DACH2: variants seen among roughly 807,000 people sequenced by gnomAD.
DACH2 encodes dachshund homolog 2.
Under a neutral mutation model 35.8 loss-of-function variants are expected in DACH2, and 17 were observed. The ratio of observed to expected loss-of-function variants is 0.48; its 90% CI spans 0.33 to 0.71. The LOEUF is 0.71. Ranked by LOEUF, DACH2 falls within the 30% of genes least tolerant of loss-of-function variation. DACH2 has a pLI of 0.02. For missense variants in DACH2, 469 were observed against 472.7 expected, an observed-to-expected ratio of 0.99 and a Z score of 0.07; for synonymous variants, 195 against 177.3, an observed-to-expected ratio of 1.10 and a Z score of -0.79.
intron 2 of DACH2, among the ~76,000 whole-genome samples, chrX:86,389,815 C>T (rs1055637595): frequency 8.9e-6 from 1 of 111,907 alleles, no homozygotes; most frequent in Non-Finnish European, 1.9e-5. Flanking sequence ...AAATGAATAC[C>T]GAATTACTCG....
chrX:86,437,108 G>A (rs1228765185), intron 2 of DACH2, among the ~76,000 whole-genome samples: 1 of 110,528 alleles, frequency 9.0e-6, no homozygotes, highest in African/African-American at 3.3e-5. Flanking sequence ...TCTATTCCTT[G>A]TTTTTCTCTT....
chrX:86,339,440 A>T (rs1481971279), intron 1 of DACH2, among the ~76,000 whole-genome samples: 1 of 112,223 alleles, frequency 8.9e-6, no homozygotes, highest in Non-Finnish European at 1.9e-5. Context: ...TTATCAGAAT[A>T]ATGATTTTAA....
rs189891339 is a variant in DACH2 at position 86,671,384 on chromosome X, G to T, written c.772+20217G>T. On this transcript the variant is annotated intron_variant, in intron 4 of 11. Coordinates refer to ENST00000373125, the MANE Select transcript of DACH2 (RefSeq NM_053281.3). ...AGAGGCTGGTATGGTTTGTATTTGTGTCCCTGTCTGAATCTCATGTTGGAT... is the reference window on the plus strand; with the variant it reads ...AGAGGCTGGTATGGTTTGTATTTGTTTCCCTGTCTGAATCTCATGTTGGAT... 4.7e-3 allele frequency among the ~76,000 whole-genome samples: 522 copies of T among 112,063 alleles called. 8 individuals are homozygous for T. Among genetic ancestry groups the T allele is most frequent in the African/African-American group, 0.016 (498 of 30,877 alleles).
chrX:86,161,807 T>C (rs996006262), intron 1 of DACH2, among the ~76,000 whole-genome samples: 8 of 112,168 alleles, frequency 7.1e-5, no homozygotes, highest in Non-Finnish European at 1.3e-4. Context: ...TTCCTTGTCA[T>C]GCTAGAGGAC....
chrX:86,284,637 C>T (rs2034109061), intron 1 of DACH2, among the ~76,000 whole-genome samples: 1 of 99,050 alleles, frequency 1.0e-5, no homozygotes, highest in Non-Finnish European at 1.9e-5. Context: ...TGGAAGCATT[C>T]TTCCTCCCCT....
At chrX:86,529,631 C>G (rs931510574) in intron 3 of DACH2, among the ~76,000 whole-genome samples, 2 of 109,565 alleles carry the variant, frequency 1.8e-5, no homozygotes, top group Non-Finnish European at 3.8e-5. Flanking sequence ...CGCCTCCACA[C>G]CCAGCTAATT....
At chrX:86,172,215 A>T (rs919700385) in intron 1 of DACH2, among the ~76,000 whole-genome samples, 1 of 112,342 alleles carries the variant, frequency 8.9e-6, no homozygotes, top group Admixed American at 9.5e-5. Flanking sequence ...GGCTCATTAA[A>T]TCTGATCCTT....
At chrX:86,456,419 G>A (rs924655831) in intron 2 of DACH2, among the ~76,000 whole-genome samples, 1 of 111,328 alleles carries the variant, frequency 9.0e-6, no homozygotes, top group African/African-American at 3.3e-5. Flanking sequence ...ACTAATCCAA[G>A]TCCATTTTTG....
chrX:86,801,785 A>G (rs1037191216), intron 7 of DACH2, among the ~76,000 whole-genome samples: 1 of 112,203 alleles, frequency 8.9e-6, no homozygotes, highest in African/African-American at 3.2e-5. Context: ...TCTTCTTTAT[A>G]ACTTTCTTGG....
At chrX:86,483,137 A>G (rs2037966696) in intron 2 of DACH2, among the ~76,000 whole-genome samples, 1 of 106,098 alleles carries the variant, frequency 9.4e-6, no homozygotes, top group Non-Finnish European at 1.9e-5. Flanking sequence ...TTAAAGTATA[A>G]TAATAAAAAA....
intron 1 of DACH2, among the ~76,000 whole-genome samples, chrX:86,151,024 C>A (rs1308209714): frequency 1.8e-5 from 2 of 110,906 alleles, no homozygotes; most frequent in Admixed American, 1.9e-4. Context: ...TTTGCACATT[C>A]TTGAGAAAAA....
intron 1 of DACH2, among the ~76,000 whole-genome samples, chrX:86,372,129 T>C (rs1193313182): frequency 9.0e-6 from 1 of 111,352 alleles, no homozygotes; most frequent in Non-Finnish European, 1.9e-5. Flanking sequence ...CTGAATGATA[T>C]TGTATCTGTG....
rs1819165081 is a variant in DACH2, at chrX:86,754,275, A to G, written c.1240+14393A>G. 2.7e-5 allele frequency among the ~76,000 whole-genome samples: 3 copies of G among 111,258 alleles called. No homozygotes were observed. In the South Asian group the frequency reaches 1.1e-3, roughly 42 times the overall value. Reference sequence around the variant, plus strand: ...ACTGAAAAATAAATATGAAAAAATCATCTAGAATGTAGTACAGACAGACAA... The same window carrying G: ...ACTGAAAAATAAATATGAAAAAATCGTCTAGAATGTAGTACAGACAGACAA... On this transcript the variant is annotated intron_variant, in intron 7 of 11. Coordinates refer to ENST00000373125, the MANE Select transcript of DACH2 (RefSeq NM_053281.3).
chrX:86,460,893 C>T (rs980402796), intron 2 of DACH2, among the ~76,000 whole-genome samples: 3 of 110,994 alleles, frequency 2.7e-5, no homozygotes, highest in African/African-American at 9.8e-5. Context: ...ATTGCCTATT[C>T]CCAATACAAT....
chrX:86,249,366 A>G (rs1473746934), intron 1 of DACH2, among the ~76,000 whole-genome samples: 1 of 111,193 alleles, frequency 9.0e-6, no homozygotes, highest in Non-Finnish European at 1.9e-5. Context: ...AGAAAAAGAA[A>G]CACCCTATTG....
intron 4 of DACH2, among the ~76,000 whole-genome samples, chrX:86,657,653 T>C (rs2040558845): frequency 9.0e-6 from 1 of 111,370 alleles, no homozygotes; most frequent in Admixed American, 9.6e-5. Context: ...TTGGTTCTTA[T>C]AAGCCGTTTT....
At chrX:86,235,479 T>G (rs2033039272) in intron 1 of DACH2, among the ~76,000 whole-genome samples, 1 of 112,231 alleles carries the variant, frequency 8.9e-6, no homozygotes, top group Admixed American at 9.5e-5. Context: ...ATAGCACATT[T>G]GCTGGGATGT....
At chrX:86,653,445 G>T (rs912125212) in intron 4 of DACH2, among the ~76,000 whole-genome samples, 2 of 111,011 alleles carry the variant, frequency 1.8e-5, no homozygotes, top group African/African-American at 6.6e-5. Flanking sequence ...TCTTGCACAG[G>T]TCCCTGTGGG....
At chrX:86,452,108 G>A (rs1458629072) in intron 2 of DACH2, among the ~76,000 whole-genome samples, 1 of 111,656 alleles carries the variant, frequency 9.0e-6, no homozygotes, top group African/African-American at 3.3e-5. Flanking sequence ...CTTTAGTTCT[G>A]TTTATGTGAC....
Sources: allele counts gnomAD v4.1 joint callset (sites outside exome capture counted in the v4.1 genomes callset), GRCh38; gene constraint gnomAD v4.1.1; transcripts MANE v1.5; gene names NCBI Gene and HGNC (gene_info 2026-07-23, HGNC 2026-07-21).